Variants in BNC2 observed in about 807,000 individuals in gnomAD.
BNC2 encodes zinc finger protein basonuclin-2.
In BNC2, 20 loss-of-function variants were observed where a neutral mutation model predicts 76.3. The observed-to-expected ratio is 0.26, with a 90% confidence interval of 0.18 to 0.38. The LOEUF (loss-of-function observed/expected upper bound fraction) is 0.38. Among genes scored for constraint, BNC2 ranks in the 10% least tolerant of loss-of-function variants. The pLI is 1.00. For missense variants in BNC2, 1,382 were observed against 1,399.8 expected (o/e 0.99, Z 0.20); for synonymous variants, 582 against 514.8 (o/e 1.13, Z -1.77).
Position 16,586,874 on chromosome 9 carries a change from T to C in BNC2, c.331-3789A>G, listed in dbSNP as rs531567799. 1.1e-4 allele frequency among the ~76,000 whole-genome samples: 17 copies of C among 152,292 alleles called. No individual in the cohort carries two copies. The East Asian group carries it at 2.5e-3, about 22-fold the overall frequency. On this transcript the variant is annotated intron_variant, in intron 3 of 6. Coordinates refer to ENST00000380672, the MANE Select transcript of BNC2 (RefSeq NM_017637.6). The stretch of plus-strand genomic sequence containing the variant: ...AACATAAATGAAACCCTTACACAGA[T>C]TGGAGGACTATCTCCTATGCATTAT...
At chr9:16,850,163 C>G (rs1165665480) in intron 1 of BNC2, among the ~76,000 whole-genome samples, 2 of 152,142 alleles carry the variant, frequency 1.3e-5, no homozygotes, top group African/African-American at 2.4e-5. Flanking sequence ...ATATCCTTTG[C>G]CTTTAGAAGC....
intron 4 of BNC2, among the ~76,000 whole-genome samples, chr9:16,571,610 T>C (rs1170121864): frequency 6.6e-6 from 1 of 152,168 alleles, no homozygotes; most frequent in African/African-American, 2.4e-5. Flanking sequence ...CCTTGTCTCC[T>C]GTCTACTTTT....
At chr9:16,485,893 A>G (rs534745069) in intron 5 of BNC2, among the ~76,000 whole-genome samples, 2 of 152,314 alleles carry the variant, frequency 1.3e-5, no homozygotes, top group Admixed American at 6.5e-5. Context: ...CAAGGGTACA[A>G]ATTTATGTGG....
At chr9:16,790,327 T>C (rs1261440542) in intron 1 of BNC2, among the ~76,000 whole-genome samples, 1 of 152,192 alleles carries the variant, frequency 6.6e-6, no homozygotes, top group Non-Finnish European at 1.5e-5. Context: ...AACAGAAATA[T>C]TATGATTGTT....
intron 3 of BNC2, among the ~76,000 whole-genome samples, chr9:16,706,260 ATCAT>A (rs1271485087): frequency 6.6e-6 from 1 of 152,174 alleles, no homozygotes; most frequent in Non-Finnish European, 1.5e-5. Flanking sequence ...TCTTTTTCTG[ATCAT>A]TCATCTTATT....
chr9:16,512,669 C>T (rs989908690), intron 5 of BNC2, among the ~76,000 whole-genome samples: 4 of 152,116 alleles, frequency 2.6e-5, no homozygotes, highest in African/African-American at 9.7e-5. Flanking sequence ...CACTATAAAA[C>T]TTTGATGTTT....
At chr9:16,653,737 T>G (rs556170439) in intron 3 of BNC2, among the ~76,000 whole-genome samples, 25 of 152,316 alleles carry the variant, frequency 1.6e-4, no homozygotes, top group African/African-American at 5.0e-4. Context: ...GTCAGCCTGC[T>G]AGGTCTGACA....
chr9:16,465,699 T>C (rs995849108), intron 5 of BNC2, among the ~76,000 whole-genome samples: 1 of 150,496 alleles, frequency 6.6e-6, no homozygotes, highest in Non-Finnish European at 1.5e-5. Context: ...AGGAAAAAAA[T>C]CAACAGAAAT....
At chr9:16,691,675 A>C (rs1280792715) in intron 3 of BNC2, among the ~76,000 whole-genome samples, 1 of 151,468 alleles carries the variant, frequency 6.6e-6, no homozygotes, top group African/African-American at 2.4e-5. Context: ...ACGCCCAGCT[A>C]ATTTTTTGTA....
intron 5 of BNC2, among the ~76,000 whole-genome samples, chr9:16,524,516 T>A (rs1817731325): frequency 6.6e-6 from 1 of 152,160 alleles, no homozygotes; most frequent in Admixed American, 6.5e-5. Context: ...GGTGATTTCT[T>A]ATTCTAAATA....
At chr9:16,633,425 C>A (rs1020807492) in intron 3 of BNC2, among the ~76,000 whole-genome samples, 1 of 152,232 alleles carries the variant, frequency 6.6e-6, no homozygotes, top group Non-Finnish European at 1.5e-5. Context: ...CCTACTGTTA[C>A]AATAACTAAA....
intron 1 of BNC2, among the ~76,000 whole-genome samples, chr9:16,830,397 C>T (rs1586918164): frequency 6.6e-6 from 1 of 152,186 alleles, no homozygotes; most frequent in Non-Finnish European, 1.5e-5. Flanking sequence ...ATATAACCTA[C>T]ACACATCCTC....
intron 4 of BNC2, among the ~76,000 whole-genome samples, chr9:16,573,146 T>C (rs972838926): frequency 1.3e-5 from 2 of 150,136 alleles, no homozygotes; most frequent in African/African-American, 4.9e-5. Flanking sequence ...GAGGATTGCT[T>C]GAACCCAGGA....
chr9:16,665,132 T>TC, intron 3 of BNC2: 1 of 451,086 alleles, frequency 2.2e-6, no homozygotes. Flanking sequence ...ACTTTGGAAG[T>TC]CCAAGACGGG....
rs796264760 is a variant in BNC2, at chr9:16,616,836, G to GAAGGAAGGAAGGAAGGAAGGAAGGAAGT, written c.331-33752_331-33751insACTTCCTTCCTTCCTTCCTTCCTTCCTT. On this transcript the variant is annotated intron_variant, in intron 3 of 6. Transcript: ENST00000380672. Reference sequence around the variant, plus strand: ...GGAAGGAAGAAAGGAAGGAAGGAAGGAAGTTCTACTGACACGTGGGAATTT... The same window carrying GAAGGAAGGAAGGAAGGAAGGAAGGAAGT: ...GGAAGGAAGAAAGGAAGGAAGGAAGGAAGGAAGGAAGGAAGGAAGGAAGGAAGTAAGTTCTACTGACACGTGGGAATTT... Among the ~76,000 whole-genome samples, 14 of 150,312 alleles carry GAAGGAAGGAAGGAAGGAAGGAAGGAAGT rather than the reference G, an allele frequency of 9.3e-5. No homozygotes were observed. In the South Asian group the frequency reaches 1.5e-3, roughly 16 times the overall value.
Position 16,866,436 on chromosome 9 carries a change from G to A in BNC2, c.3+4210C>T, listed in dbSNP as rs114287169. On this transcript the variant is annotated intron_variant, in intron 1 of 6. Transcript: ENST00000380672. ...AGTTAACCCACTTCTCGGTGATTTC[G>A]TAGGAAGCTACTTTTAATAGAACTC... 2.8e-3 allele frequency among the ~76,000 whole-genome samples: 419 copies of A among 151,938 alleles called. 1 individual carries two copies. The highest frequency in any genetic ancestry group is 9.5e-3 in the African/African-American group (392 of 41,468).
chr9:16,532,360 A>G (rs1285776057), intron 5 of BNC2, among the ~76,000 whole-genome samples: 1 of 152,178 alleles, frequency 6.6e-6, no homozygotes, highest in Admixed American at 6.5e-5. Context: ...ATTAATATAA[A>G]TACCAAAATT....
At chr9:16,599,212 C>T (rs1820176869) in intron 3 of BNC2, among the ~76,000 whole-genome samples, 1 of 152,190 alleles carries the variant, frequency 6.6e-6, no homozygotes, top group African/African-American at 2.4e-5. Flanking sequence ...CTACAAATAA[C>T]TGAACTGTGG....
chr9:16,729,821 C>CT (rs1393759971), intron 2 of BNC2, among the ~76,000 whole-genome samples: 7 of 152,092 alleles, frequency 4.6e-5, no homozygotes, highest in African/African-American at 1.7e-4. Flanking sequence ...CACTCAGTGC[C>CT]TCAGTCAAGC....
Sources: allele counts gnomAD v4.1 joint callset (sites outside exome capture counted in the v4.1 genomes callset), GRCh38; gene constraint gnomAD v4.1.1; transcripts MANE v1.5; gene names NCBI Gene and HGNC (gene_info 2026-07-23, HGNC 2026-07-21).